Variants in TRAF6 observed in about 807,000 individuals in gnomAD.
The protein encoded by TRAF6 is TNF receptor-associated factor 6.
Under a neutral mutation model 48.4 loss-of-function variants are expected in TRAF6, and 10 were observed. That is an observed-to-expected ratio of 0.21 (90% CI 0.13 to 0.35). The LOEUF is 0.35. Ranked by LOEUF, TRAF6 falls within the 10% of genes least tolerant of loss-of-function variation. The probability of loss-of-function intolerance (pLI) is 1.00; values close to 1 mark genes in which losing one functional copy is unlikely to be tolerated. For missense variants in TRAF6, 397 were observed against 661.0 expected (o/e 0.60, Z 4.38); for synonymous variants, 186 against 219.6 (o/e 0.85, Z 1.35).
At chr11:36,509,783 G>C (rs1230030971) in intron 1 of TRAF6, among the ~76,000 whole-genome samples, 1 of 151,308 alleles carries the variant, frequency 6.6e-6, no homozygotes, top group Non-Finnish European at 1.5e-5. Context: ...TGCAGGAAGC[G>C]AGGGGCAGGG....
At position 36,510,190 on chromosome 11, in the gene TRAF6, C is replaced by G. The variant is rs1274646008; in HGVS notation, c.-165G>C. 6.6e-6 allele frequency: 1 copy of G among 152,272 alleles called. No individual in the cohort carries two copies. The highest frequency in any genetic ancestry group is 2.4e-5 in the African/African-American group (1 of 41,442). The allele number at this position is 152,272 out of a possible 1,614,324, so 9.4% of individuals were successfully genotyped here. On this transcript the variant is annotated 5_prime_UTR_variant, in exon 1 of 7. Transcript: ENST00000526995. ...GCTGCTTGGACGGCAAACTCTGGAT[C>G]CAGTGGGAGCCTTCGCCACCTTCGC... is the stretch of plus-strand genomic sequence containing the variant.
chr11:36,490,537 T>A lies in TRAF6; in HGVS notation c.870A>T (p.Ser290=). 6.2e-7 allele frequency: 1 copy of A among 1,614,182 alleles called. No homozygotes were observed. Among genetic ancestry groups the A allele is most frequent in the Non-Finnish European group, 8.5e-7 (1 of 1,180,048 alleles). Residue 290 remains serine (S), a synonymous_variant, in exon 7 of 7, where the codon TCA becomes TCT. Transcript: ENST00000526995. This position sits in a 1 kb window ranked among gnomAD's most constrained non-coding sequence, Gnocchi z 6.4. ...TAGTTTCCTGGAAATTCCGGACCTC[T>A]GAGATATACCCAGAGTCGGGTATAA... ...LSVIPDSGYI[S]EVRNFQETIH...
chr11:36,486,675 T>C lies in TRAF6; in HGVS notation c.*3163A>G, dbSNP rs1859489119. On this transcript the variant is annotated 3_prime_UTR_variant, in exon 7 of 7. Coordinates refer to ENST00000526995, the MANE Select transcript of TRAF6 (RefSeq NM_004620.4). ...CCAAAATAAAAGTTAAATCATATTGTAGTATACCAATAAACAGTCTTTGCT... is the reference window on the plus strand; with the variant it reads ...CCAAAATAAAAGTTAAATCATATTGCAGTATACCAATAAACAGTCTTTGCT... 6.6e-6 allele frequency among the ~76,000 whole-genome samples: 1 copy of C among 152,178 alleles called. No individual in the cohort carries two copies. The highest frequency in any genetic ancestry group is 2.4e-5 in the African/African-American group (1 of 41,390).
intron 1 of TRAF6, among the ~76,000 whole-genome samples, chr11:36,507,655 ACATACACACGCGCG>A (rs1859818458): frequency 2.0e-4 from 1 of 5,050 alleles, no homozygotes; most frequent in African/African-American, 2.2e-4. Flanking sequence ...ATATATGTAT[ACATACACACGCGCG>A]TGTATATATG....
chr11:36,506,231 AGGT>A, intron 1 of TRAF6, among the ~76,000 whole-genome samples: 1 of 152,146 alleles, frequency 6.6e-6, no homozygotes, highest in South Asian at 2.1e-4. Context: ...TTACTTCCTT[AGGT>A]AAATTTCCTA....
chr11:36,501,470 C>T lies in TRAF6; in HGVS notation c.46G>A (p.Glu16Lys). Residue 16 changes from glutamate to lysine, a missense_variant, in exon 2 of 7, where the codon GAA (glutamate) becomes AAA (lysine). Transcript: ENST00000526995. ...CENSCGSSQS[E>K]SDCCVAMASS... Reference sequence around the variant, plus strand: ...GCCATGGCCACACAGCAGTCACTTTCAGACTGGCTGGATCCACAGCTGTTT... The same window carrying T: ...GCCATGGCCACACAGCAGTCACTTTTAGACTGGCTGGATCCACAGCTGTTT... 1.2e-6 allele frequency: 2 copies of T among 1,613,488 alleles called. No homozygotes were observed. The highest frequency in any genetic ancestry group is 1.7e-6 in the Non-Finnish European group (2 of 1,179,546).
chr11:36,506,853 T>C (rs187780981), intron 1 of TRAF6, among the ~76,000 whole-genome samples: 1 of 152,142 alleles, frequency 6.6e-6, no homozygotes, highest in Admixed American at 6.6e-5. Flanking sequence ...ATAGTTATCC[T>C]TTAAGTCCAC....
At chr11:36,506,986 A>G (rs1318425102) in intron 1 of TRAF6, among the ~76,000 whole-genome samples, 1 of 151,904 alleles carries the variant, frequency 6.6e-6, no homozygotes, top group Non-Finnish European at 1.5e-5. Flanking sequence ...TAGTTTTAAG[A>G]ACTGCAATGA....
chr11:36,508,258 T>C (rs753543117), intron 1 of TRAF6, among the ~76,000 whole-genome samples: 1 of 151,670 alleles, frequency 6.6e-6, no homozygotes, highest in Non-Finnish European at 1.5e-5. Flanking sequence ...GTTAAGAGTG[T>C]CCTGACTGTA....
At chr11:36,509,013 G>T (rs780900148) in intron 1 of TRAF6, among the ~76,000 whole-genome samples, 1 of 152,154 alleles carries the variant, frequency 6.6e-6, no homozygotes, top group Admixed American at 6.5e-5. Context: ...CTCCTTCCTA[G>T]AGTCACAAAA....
intron 5 of TRAF6, among the ~76,000 whole-genome samples, chr11:36,494,067 G>A (rs994196672): frequency 6.6e-6 from 1 of 152,090 alleles, no homozygotes; most frequent in African/African-American, 2.4e-5. Context: ...TCTACTAATA[G>A]TCAAAACAAT....
intron 1 of TRAF6, among the ~76,000 whole-genome samples, chr11:36,508,682 GAAA>G (rs1859844300): frequency 6.6e-6 from 1 of 152,164 alleles, no homozygotes; most frequent in African/African-American, 2.4e-5. Flanking sequence ...TTTAGAAACA[GAAA>G]CTGTTTACCA....
intron 4 of TRAF6, 100 bp from the exon 5 acceptor site, chr11:36,495,147 A>G: frequency 1.2e-6 from 1 of 810,006 alleles, no homozygotes; most frequent in Non-Finnish European, 2.1e-6. Context: ...TAAACAAATA[A>G]GGACATCAAT....
chr11:36,500,488 A>G (rs756232009), intron 2 of TRAF6, among the ~76,000 whole-genome samples: 1 of 152,234 alleles, frequency 6.6e-6, no homozygotes, highest in Non-Finnish European at 1.5e-5. Context: ...TCATGGGCCT[A>G]TCACACAGGG....
At chr11:36,508,043 G>A (rs1859831500) in intron 1 of TRAF6, among the ~76,000 whole-genome samples, 1 of 151,448 alleles carries the variant, frequency 6.6e-6, no homozygotes, top group South Asian at 2.1e-4. Flanking sequence ...TTTTTGTAGA[G>A]ACAGGATTTT....
At position 36,510,237 on chromosome 11, in the gene TRAF6, C is replaced by G. The variant is rs1859894489; in HGVS notation, c.-212G>C. 1 of 152,288 alleles carries G rather than the reference C, an allele frequency of 6.6e-6. No individual in the cohort carries two copies. The highest frequency in any genetic ancestry group is 6.5e-5 in the Admixed American group (1 of 15,284). The allele number at this position is 152,288 out of a possible 1,614,324, so 9.4% of individuals were successfully genotyped here. ...TCGCTGGCCGCCCGCAGGCCAAGCCCCAGCTGCGGACGCCACTGCTTCCGC... is the reference window on the plus strand; with the variant it reads ...TCGCTGGCCGCCCGCAGGCCAAGCCGCAGCTGCGGACGCCACTGCTTCCGC... On this transcript the variant is annotated 5_prime_UTR_variant, in exon 1 of 7. Transcript: ENST00000526995.
intron 3 of TRAF6, among the ~76,000 whole-genome samples, 173 bp from the exon 4 acceptor site, chr11:36,497,439 C>T (rs893332156): frequency 4.6e-5 from 7 of 152,164 alleles, no homozygotes; most frequent in African/African-American, 1.7e-4. Flanking sequence ...TTAAAATGGT[C>T]ATGGGTTGCA....
rs541666285 is a variant in TRAF6 at position 36,486,672 on chromosome 11, T to C, written c.*3166A>G. Among the ~76,000 whole-genome samples the C allele has an allele frequency of 2.0e-5, 3 of 152,316 alleles. No individual in the cohort carries two copies. The highest frequency in any genetic ancestry group is 7.2e-5 in the African/African-American group (3 of 41,530). ...TCCCCAAAATAAAAGTTAAATCATA[T>C]TGTAGTATACCAATAAACAGTCTTT... On this transcript the variant is annotated 3_prime_UTR_variant, in exon 7 of 7. Transcript: ENST00000526995.
rs1229446166 is a variant in TRAF6, at chr11:36,485,437, T to G, written c.*4401A>C. 6.6e-6 allele frequency among the ~76,000 whole-genome samples: 1 copy of G among 152,120 alleles called. No individual in the cohort carries two copies. The highest frequency in any genetic ancestry group is 1.5e-5 in the Non-Finnish European group (1 of 68,026). On this transcript the variant is annotated 3_prime_UTR_variant, in exon 7 of 7. Transcript: ENST00000526995. The stretch of plus-strand genomic sequence containing the variant: ...TGGGGACTTGCATAGAAGAGAACTA[T>G]GGTCACTGCTGCTTGGGCGATTGTC...
Sources: allele counts gnomAD v4.1 joint callset (sites outside exome capture counted in the v4.1 genomes callset), GRCh38; gene constraint gnomAD v4.1.1; non-coding constraint Gnocchi (gnomAD v3.1); transcripts MANE v1.5; gene names NCBI Gene and HGNC (gene_info 2026-07-23, HGNC 2026-07-21).